FBXO34: variants seen among roughly 807,000 people sequenced by gnomAD.
FBXO34 encodes the protein F-box only protein 34.
Under a neutral mutation model 24.5 loss-of-function variants are expected in FBXO34, and 12 were observed. The observed-to-expected ratio is 0.49, with a 90% confidence interval of 0.31 to 0.79. The LOEUF is 0.79. Among genes scored for constraint, FBXO34 ranks in the 30% least tolerant of loss-of-function variants. FBXO34 has a pLI of 0.04. For synonymous variants in FBXO34, 320 were observed against 311.9 expected, an observed-to-expected ratio of 1.03 and a Z score of -0.27; for missense variants, 823 against 857.7, an observed-to-expected ratio of 0.96 and a Z score of 0.51.
downstream of FBXO34, among the ~76,000 whole-genome samples, chr14:55,362,772 C>G (rs888524018): frequency 2.6e-5 from 4 of 152,160 alleles, no homozygotes; most frequent in African/African-American, 9.7e-5. Context: ...CATCAAACCA[C>G]TTGGCACTTT....
At chr14:55,282,073 T>TGCAATCTCC (rs1881568379) in intron 1 of FBXO34, among the ~76,000 whole-genome samples, 1 of 143,984 alleles carries the variant, frequency 6.9e-6, no homozygotes, top group Non-Finnish European at 1.5e-5. Flanking sequence ...CTCGGCTCTC[T>TGCAATCTCC]GCAATCTCCG....
chr14:55,323,101 C>T lies in FBXO34; in HGVS notation c.-10-27280C>T, dbSNP rs1269366322. On this transcript the variant is annotated intron_variant, in intron 1 of 1. Coordinates refer to ENST00000313833, the MANE Select transcript of FBXO34 (RefSeq NM_017943.4). ...TCGGGAGGCTGAGGCAGGAGAATGG[C>T]GTGAACCCGGGAGGCAGAGCTTGCA... 7.7e-5 allele frequency among the ~76,000 whole-genome samples: 10 copies of T among 130,292 alleles called. No individual in the cohort carries two copies. In the East Asian group the frequency reaches 1.5e-3, roughly 20 times the overall value. The allele number at this position is 130,292 out of a possible 152,430, so 85.5% of individuals were successfully genotyped here.
the FBXO34 span, among the ~76,000 whole-genome samples, chr14:55,378,362 T>C: frequency 6.6e-6 from 1 of 152,214 alleles, no homozygotes; most frequent in Non-Finnish European, 1.5e-5. Context: ...TACAAGATTA[T>C]TTCTTGAAGC....
chr14:55,380,172 T>C, the FBXO34 span, among the ~76,000 whole-genome samples: 19 of 152,024 alleles, frequency 1.2e-4, no homozygotes, highest in Non-Finnish European at 2.6e-4. Context: ...TGCCTGAAAC[T>C]GTGAGGTGGA....
the FBXO34 span, among the ~76,000 whole-genome samples, chr14:55,417,271 G>A: frequency 4.9e-4 from 75 of 152,170 alleles, no homozygotes; most frequent in Middle Eastern, 3.4e-3. Flanking sequence ...AACATTGCCA[G>A]TATTTGTAAC....
At chr14:55,356,443 T>C (rs1178022495), downstream of FBXO34, among the ~76,000 whole-genome samples, 1 of 152,122 alleles carries the variant, frequency 6.6e-6, no homozygotes, top group Admixed American at 6.6e-5. Context: ...TCTGATTGTT[T>C]CTGGGGTTGG....
rs1370600562 is a variant in FBXO34, at chr14:55,314,989, CTT to C, written c.-10-35389_-10-35388del. Among the ~76,000 whole-genome samples, 2 of 152,140 alleles carry C rather than the reference CTT, an allele frequency of 1.3e-5. 1 individual carries two copies. Among genetic ancestry groups the C allele is most frequent in the South Asian group, 4.1e-4 (2 of 4,828 alleles). On this transcript the variant is annotated intron_variant, in intron 1 of 1. Coordinates refer to ENST00000313833, the MANE Select transcript of FBXO34 (RefSeq NM_017943.4). ...TTCTTGATTTCTCAGCTTCAGGTAT[CTT>C]TTGATTTCCATTGTGGCACTTGAGG...
chr14:55,276,826 G>T (rs944666892), intron 1 of FBXO34, among the ~76,000 whole-genome samples: 5 of 152,166 alleles, frequency 3.3e-5, no homozygotes, highest in African/African-American at 9.7e-5. Context: ...GCTTCCCACA[G>T]TATCTTATCA....
At chr14:55,338,950 C>T (rs1156819133) in intron 1 of FBXO34, among the ~76,000 whole-genome samples, 2 of 151,228 alleles carry the variant, frequency 1.3e-5, no homozygotes, top group Non-Finnish European at 3.0e-5. Context: ...AAAAACCCCC[C>T]AAAAAAACCA....
chr14:55,436,518 T>C, the FBXO34 span: 15 of 1,521,070 alleles, frequency 9.9e-6, no homozygotes, highest in Non-Finnish European at 1.4e-5. Context: ...GAATATAAAA[T>C]GTGTACCCAA....
intron 1 of FBXO34, among the ~76,000 whole-genome samples, chr14:55,309,872 A>G (rs1296485830): frequency 6.6e-6 from 1 of 152,166 alleles, no homozygotes; most frequent in Non-Finnish European, 1.5e-5. Context: ...TTCGTAATGC[A>G]TTTATCTTTA....
chr14:55,397,411 A>G, the FBXO34 span: 1 of 1,613,482 alleles, frequency 6.2e-7, no homozygotes, highest in Non-Finnish European at 8.5e-7. Flanking sequence ...AAGTCGGCTT[A>G]ACCTTTCCTT....
At chr14:55,374,103 T>C (rs1373157216), downstream of FBXO34, among the ~76,000 whole-genome samples, 1 of 152,258 alleles carries the variant, frequency 6.6e-6, no homozygotes, top group Non-Finnish European at 1.5e-5. Context: ...AGTGCTTTTT[T>C]CCCTCAACTA....
chr14:55,438,889 T>TA, the FBXO34 span: 2 of 118,034 alleles, frequency 1.7e-5, no homozygotes, highest in African/African-American at 3.2e-5. Context: ...ATTGTCTTTA[T>TA]AAAAAAATTC....
chr14:55,382,109 T>C, the FBXO34 span: 14 of 1,613,946 alleles, frequency 8.7e-6, no homozygotes, highest in South Asian at 3.3e-5. Flanking sequence ...GAGAGGTAAG[T>C]TGTCCTCCGG....
chr14:55,304,657 G>A (rs553143611), intron 1 of FBXO34, among the ~76,000 whole-genome samples: 11 of 151,522 alleles, frequency 7.3e-5, no homozygotes, highest in African/African-American at 2.4e-4. Context: ...ATACCACTGT[G>A]CCCAGCTAAT....
chr14:55,303,668 A>G (rs1446524087), intron 1 of FBXO34, among the ~76,000 whole-genome samples: 2 of 151,846 alleles, frequency 1.3e-5, no homozygotes, highest in Non-Finnish European at 2.9e-5. Flanking sequence ...TTTTTAAAAA[A>G]AAAACCCTTT....
At chr14:55,378,653 G>A in the FBXO34 span, among the ~76,000 whole-genome samples, 1 of 151,456 alleles carries the variant, frequency 6.6e-6, no homozygotes, top group Non-Finnish European at 1.5e-5. Flanking sequence ...TCACACACCT[G>A]CCCACTCAAA....
At chr14:55,374,415 T>G (rs367587694), downstream of FBXO34, among the ~76,000 whole-genome samples, 23 of 152,360 alleles carry the variant, frequency 1.5e-4, no homozygotes, top group African/African-American at 4.8e-4. Flanking sequence ...CTGTACTGAT[T>G]TGAAAGATTT....
Sources: gnomAD v4.1 joint callset for allele counts (sites outside exome capture counted in the v4.1 genomes callset) on GRCh38, gnomAD v4.1.1 for gene constraint, MANE v1.5 for transcripts, NCBI Gene and HGNC (gene_info 2026-07-23, HGNC 2026-07-21) for gene names.